Variants in PTPRM observed in about 807,000 individuals in gnomAD.
PTPRM encodes the protein protein tyrosine phosphatase receptor type M, also known as receptor-type tyrosine-protein phosphatase mu.
In PTPRM, 47 loss-of-function variants were observed where a neutral mutation model predicts 186.7. The ratio of observed to expected loss-of-function variants is 0.25; its 90% CI spans 0.20 to 0.32. PTPRM has a LOEUF of 0.32. Ranked by LOEUF, PTPRM falls within the 10% of genes least tolerant of loss-of-function variation. The pLI, the probability that PTPRM is intolerant of heterozygous loss-of-function variation, is 1.00. For missense variants in PTPRM, 1,494 were observed against 1,865.0 expected (o/e 0.80, Z 3.66); for synonymous variants, 668 against 674.9 (o/e 0.99, Z 0.16).
intron 5 of PTPRM, among the ~76,000 whole-genome samples, chr18:7,930,674 T>C (rs1246173260): frequency 1.3e-5 from 2 of 152,218 alleles, no homozygotes; most frequent in Non-Finnish European, 2.9e-5. Flanking sequence ...GTGTGACCAA[T>C]ATTACATCGT....
chr18:8,262,349 G>A (rs778590973), intron 19 of PTPRM, among the ~76,000 whole-genome samples: 61 of 152,200 alleles, frequency 4.0e-4, no homozygotes, highest in Admixed American at 1.2e-3. Context: ...TGAAAACTAT[G>A]CCACGGATTC....
In PTPRM at chr18:8,064,341, C is replaced by T. The variant is rs2088880272; in HGVS notation, c.1133-5345C>T. On this transcript the variant is annotated intron_variant, in intron 7 of 32. Coordinates refer to ENST00000580170, the MANE Select transcript of PTPRM (RefSeq NM_001105244.2). ...TAGAATGATTTTGTGTAGACTTTGG[C>T]ATTGTTACACTTTCCTTCATTTATT... 2.0e-5 allele frequency among the ~76,000 whole-genome samples: 3 copies of T among 151,320 alleles called. No individual in the cohort carries two copies. In the South Asian group the frequency reaches 6.3e-4, roughly 32 times the overall value.
chr18:8,406,130 G>C lies in PTPRM; in HGVS notation c.4366G>C (p.Glu1456Gln). ...DLLDQYKFCY[E>Q]VALEYLNSG is the part of the protein sequence containing the mutation. ...CCAGGATCAGTACAAGTTCTGCTAC[G>C]AGGTGGCCCTGGAATACTTGAATTC... The change falls in exon 33 of 33, where the codon GAG becomes CAG. Residue 1456 changes from glutamate to glutamine, a missense_variant. Coordinates refer to ENST00000580170, the MANE Select transcript of PTPRM (RefSeq NM_001105244.2). 6.2e-7 allele frequency: 1 copy of C among 1,614,126 alleles called. No homozygotes were observed. Among genetic ancestry groups the C allele is most frequent in the South Asian group, 1.1e-5 (1 of 91,066 alleles).
chr18:8,390,777 A>C (rs1471784821), intron 31 of PTPRM, among the ~76,000 whole-genome samples: 1 of 151,838 alleles, frequency 6.6e-6, no homozygotes, highest in African/African-American at 2.4e-5. Flanking sequence ...AACTACAAAA[A>C]ATTAGCCGGG....
Position 8,370,984 on chromosome 18 carries a change from T to C in PTPRM, c.3149T>C (p.Ile1050Thr). ...ACAGAACTACTGGCAGAATATGTGA[T>C]AAGAACATTTGCTGTTGAAAAGGTA... ...IETELLAEYV[I>T]RTFAVEKRGV... Residue 1050 changes from isoleucine (I) to threonine (T), a missense_variant, in exon 24 of 33, where the codon ATA becomes ACA. This residue lies in a region of PTPRM where 1,107 missense variants were observed against 1,350.2 expected (regional missense o/e 0.82). Coordinates refer to ENST00000580170, the MANE Select transcript of PTPRM (RefSeq NM_001105244.2). The C allele has an allele frequency of 2.5e-6, 4 of 1,594,752 alleles. No homozygotes were observed. Among genetic ancestry groups the C allele is most frequent in the Non-Finnish European group, 3.4e-6 (4 of 1,164,194 alleles).
chr18:7,848,513 C>T (rs2046708010), intron 2 of PTPRM, among the ~76,000 whole-genome samples: 1 of 152,090 alleles, frequency 6.6e-6, no homozygotes, highest in Non-Finnish European at 1.5e-5. Flanking sequence ...GTGGCTCAAG[C>T]CTGTAATCCC....
intron 1 of PTPRM, among the ~76,000 whole-genome samples, chr18:7,627,384 A>G (rs974411880): frequency 6.6e-6 from 1 of 152,178 alleles, no homozygotes; most frequent in African/African-American, 2.4e-5. Flanking sequence ...GTCCTGAGGC[A>G]TATGTCCTGA....
intron 13 of PTPRM, among the ~76,000 whole-genome samples, chr18:8,127,637 A>G (rs1195357283): frequency 6.6e-6 from 1 of 152,150 alleles, no homozygotes; most frequent in Non-Finnish European, 1.5e-5. Context: ...CAGACGGTGC[A>G]TACAGTTTAG....
intron 7 of PTPRM, among the ~76,000 whole-genome samples, chr18:8,054,427 T>C (rs2087761689): frequency 6.6e-6 from 1 of 151,036 alleles, no homozygotes; most frequent in Non-Finnish European, 1.5e-5. Context: ...TTCTTTTCTT[T>C]TGTTTTTTTC....
intron 6 of PTPRM, among the ~76,000 whole-genome samples, chr18:7,951,915 A>G (rs2147083339): frequency 6.6e-6 from 1 of 152,338 alleles, no homozygotes; most frequent in Non-Finnish European, 1.5e-5. Context: ...ACTAAAGTCC[A>G]TAGAGTTTTT....
intron 7 of PTPRM, among the ~76,000 whole-genome samples, chr18:8,006,981 A>G (rs577576645): frequency 6.6e-6 from 1 of 152,202 alleles, no homozygotes; most frequent in African/African-American, 2.4e-5. Context: ...ACTTCTCTGT[A>G]GGATACTTGT....
intron 20 of PTPRM, among the ~76,000 whole-genome samples, chr18:8,299,755 GT>G (rs56921180): frequency 0.067 from 10,217 of 152,222 alleles, 476 homozygotes; most frequent in African/African-American, 0.13. Context: ...TGGCTCTGCT[GT>G]TTTCATGCAA....
At chr18:8,217,840 GT>G (rs1397770985) in intron 14 of PTPRM, among the ~76,000 whole-genome samples, 3 of 151,986 alleles carry the variant, frequency 2.0e-5, no homozygotes, top group African/African-American at 7.3e-5. Flanking sequence ...TAATTTCTTT[GT>G]TTCTTTCTTG....
intron 7 of PTPRM, among the ~76,000 whole-genome samples, chr18:7,978,506 C>A (rs1295716300): frequency 6.6e-6 from 1 of 152,152 alleles, no homozygotes; most frequent in African/African-American, 2.4e-5. Flanking sequence ...CAAAGGATAT[C>A]TAGACTTAGT....
chr18:7,925,705 C>T (rs534980399), intron 4 of PTPRM, among the ~76,000 whole-genome samples: 9 of 152,214 alleles, frequency 5.9e-5, no homozygotes, highest in South Asian at 4.2e-4. Flanking sequence ...TCTGCTGTGC[C>T]CACCCTTCCC....
At chr18:7,710,546 A>G (rs775212187) in intron 1 of PTPRM, among the ~76,000 whole-genome samples, 3 of 152,190 alleles carry the variant, frequency 2.0e-5, no homozygotes, top group Non-Finnish European at 4.4e-5. Context: ...TCCTAGCCAG[A>G]GCAGTTAAAC....
intron 1 of PTPRM, among the ~76,000 whole-genome samples, chr18:7,772,244 T>TTTTCTTTTCTTTTC (rs1555673211): frequency 3.6e-5 from 5 of 140,054 alleles, no homozygotes; most frequent in Non-Finnish European, 7.6e-5. Context: ...GCTAAGATCT[T>TTTTCTTTTCTTTTC]TTTTCTTTTC....
Position 7,828,535 on chromosome 18 carries a change from A to T in PTPRM, c.196+54264A>T, listed in dbSNP as rs139767964. Among the ~76,000 whole-genome samples the T allele has an allele frequency of 6.5e-4, 99 of 152,220 alleles. 2 individuals carry two copies. In the East Asian group the frequency reaches 0.018, roughly 27 times the overall value. ...GGCCACGTCTCATGCTCCCTCATGG[A>T]TGCCACGTTGCCGTATGTCCTGCCA... On this transcript the variant is annotated intron_variant, in intron 2 of 32. Transcript: ENST00000580170.
In PTPRM at chr18:8,379,189, C is replaced by A; in HGVS notation, c.3635C>A (p.Thr1212Lys). ...CAGACGCTAAACATGGTGACACCAA[C>A]GCTGCGAGTAGAGGACTGCAGCATC... is the stretch of plus-strand genomic sequence containing the variant. ...EFRTLNMVTP[T>K]LRVEDCSIAL... Residue 1212 changes from threonine (T) to lysine (K), a missense_variant, in exon 28 of 33, where the codon ACG becomes AAG. Physicochemically the swap from Thr to Lys is moderately conservative, Grantham distance 78. This residue lies in a region of PTPRM where 1,107 missense variants were observed against 1,350.2 expected (regional missense o/e 0.82). Transcript: ENST00000580170. 1 of 1,609,260 alleles carries A rather than the reference C, an allele frequency of 6.2e-7. No homozygotes were observed.
Sources: gnomAD v4.1 joint callset for allele counts (sites outside exome capture counted in the v4.1 genomes callset) on GRCh38, gnomAD v4.1.1 for gene constraint, gnomAD v4.1.1 regional missense constraint, MANE v1.5 for transcripts, NCBI Gene and HGNC (gene_info 2026-07-23, HGNC 2026-07-21) for gene names.